Variants in GPC5 observed in about 807,000 individuals in gnomAD.
GPC5 encodes the protein glypican 5.
In GPC5, 47 loss-of-function variants were observed where a neutral mutation model predicts 53.9. The ratio of observed to expected loss-of-function variants is 0.87; its 90% CI spans 0.69 to 1.11. GPC5 has a LOEUF of 1.11. Ranked by LOEUF, GPC5 falls within the 50% of genes most tolerant of loss-of-function variation. The pLI, the probability that GPC5 is intolerant of heterozygous loss-of-function variation, is 0.00. For missense variants in GPC5, 748 were observed against 713.1 expected, an observed-to-expected ratio of 1.05 and a Z score of -0.56; for synonymous variants, 286 against 263.3, an observed-to-expected ratio of 1.09 and a Z score of -0.84.
At chr13:92,632,016 C>A (rs1885255440) in intron 7 of GPC5, among the ~76,000 whole-genome samples, 1 of 152,116 alleles carries the variant, frequency 6.6e-6, no homozygotes, top group Non-Finnish European at 1.5e-5. Context: ...AAATACTCAA[C>A]CTGTCCCTGT....
At chr13:91,469,260 C>A (rs1882451387) in intron 2 of GPC5, among the ~76,000 whole-genome samples, 1 of 152,020 alleles carries the variant, frequency 6.6e-6, no homozygotes, top group African/African-American at 2.4e-5. Flanking sequence ...AGACATGCAC[C>A]ACCATGTCCA....
chr13:91,758,381 A>G (rs2138646471), intron 5 of GPC5, among the ~76,000 whole-genome samples: 1 of 152,186 alleles, frequency 6.6e-6, no homozygotes, highest in East Asian at 1.9e-4. Flanking sequence ...AATTTATTAT[A>G]TCATATAAAT....
chr13:92,366,222 A>T (rs1032394646), intron 7 of GPC5, among the ~76,000 whole-genome samples: 1 of 151,754 alleles, frequency 6.6e-6, no homozygotes, highest in Non-Finnish European at 1.5e-5. Context: ...TTGGCAAATG[A>T]TTGTAGATAT....
At chr13:92,248,496 C>T (rs1395057295) in intron 7 of GPC5, among the ~76,000 whole-genome samples, 4 of 152,102 alleles carry the variant, frequency 2.6e-5, no homozygotes, top group Non-Finnish European at 5.9e-5. Flanking sequence ...TCCAGCGTCT[C>T]AGTTTTCTCA....
intron 2 of GPC5, among the ~76,000 whole-genome samples, chr13:91,639,270 T>C (rs1051549336): frequency 2.0e-5 from 3 of 152,150 alleles, no homozygotes; most frequent in Non-Finnish European, 4.4e-5. Flanking sequence ...GAGAAAAAAA[T>C]AGCAGTGTGA....
At chr13:92,264,222 A>T (rs1189184106) in intron 7 of GPC5, among the ~76,000 whole-genome samples, 1 of 152,090 alleles carries the variant, frequency 6.6e-6, no homozygotes, top group African/African-American at 2.4e-5. Flanking sequence ...GAGTAAATAT[A>T]CTAATATACT....
At chr13:91,974,349 T>C (rs2040275916) in intron 6 of GPC5, among the ~76,000 whole-genome samples, 1 of 152,200 alleles carries the variant, frequency 6.6e-6, no homozygotes, top group Non-Finnish European at 1.5e-5. Flanking sequence ...GTAGATGACA[T>C]GATTGTATAT....
chr13:92,399,223 A>C (rs1264313116), intron 7 of GPC5, among the ~76,000 whole-genome samples: 1 of 152,200 alleles, frequency 6.6e-6, no homozygotes, highest in African/African-American at 2.4e-5. Context: ...GAGATGAATA[A>C]ATTAGGGTAC....
intron 7 of GPC5, among the ~76,000 whole-genome samples, chr13:92,397,360 C>G (rs1264464320): frequency 6.6e-6 from 1 of 152,168 alleles, no homozygotes; most frequent in Non-Finnish European, 1.5e-5. Flanking sequence ...TTTTACTTGG[C>G]TCTCTAATTC....
chr13:92,087,809 G>A (rs1464745073), intron 6 of GPC5, among the ~76,000 whole-genome samples: 1 of 152,056 alleles, frequency 6.6e-6, no homozygotes, highest in East Asian at 1.9e-4. Flanking sequence ...AAATGATTGA[G>A]GTAGAATGAC....
At chr13:91,449,397 G>A (rs955165308) in intron 2 of GPC5, among the ~76,000 whole-genome samples, 2 of 152,084 alleles carry the variant, frequency 1.3e-5, no homozygotes, top group Middle Eastern at 3.4e-3. Flanking sequence ...TGCAGAACAT[G>A]CAGGTTTGTT....
intron 2 of GPC5, among the ~76,000 whole-genome samples, chr13:91,600,336 AGAGAGAGAGAGAGTGT>A (rs1278289771): frequency 2.0e-4 from 10 of 50,648 alleles, no homozygotes; most frequent in Non-Finnish European, 3.1e-4. Flanking sequence ...AGAGAGAGAG[AGAGAGAGAGAGAGTGT>A]GTGTGTGTGT....
Position 92,601,627 on chromosome 13 carries a change from G to C in GPC5, c.1562-264655G>C, listed in dbSNP as rs140905261. 9.3e-4 allele frequency among the ~76,000 whole-genome samples: 137 copies of C among 147,106 alleles called. 2 individuals are homozygous for C. The highest frequency in any genetic ancestry group is 1.4e-3 in the Non-Finnish European group (95 of 66,790). On this transcript the variant is annotated intron_variant, in intron 7 of 7. Transcript: ENST00000377067. ...TTATGTCTTCCATAGGCATTACATT[G>C]TTCTTAAAACATAAGATTTCAGTGT...
intron 7 of GPC5, among the ~76,000 whole-genome samples, chr13:92,721,862 T>C (rs927605916): frequency 2.0e-5 from 3 of 152,010 alleles, no homozygotes; most frequent in African/African-American, 7.2e-5. Flanking sequence ...AACCTGTATG[T>C]CCTATTTAGG....
intron 6 of GPC5, among the ~76,000 whole-genome samples, chr13:91,978,169 A>G (rs972416513): frequency 7.2e-5 from 11 of 152,090 alleles, no homozygotes; most frequent in Admixed American, 5.2e-4. Context: ...ACTTACATTA[A>G]ATTTGTATTC....
intron 5 of GPC5, among the ~76,000 whole-genome samples, chr13:91,859,078 T>C (rs2038998462): frequency 1.3e-5 from 2 of 151,580 alleles, no homozygotes; most frequent in African/African-American, 4.8e-5. Flanking sequence ...TAGGTTTGGT[T>C]TATCTTTTTA....
intron 6 of GPC5, among the ~76,000 whole-genome samples, chr13:92,127,505 A>G (rs1046101093): frequency 6.6e-6 from 1 of 152,198 alleles, no homozygotes; most frequent in Non-Finnish European, 1.5e-5. Flanking sequence ...TCCCCTAAAC[A>G]GGGTTCAAGG....
At chr13:92,285,254 T>C (rs2042945592) in intron 7 of GPC5, among the ~76,000 whole-genome samples, 1 of 152,036 alleles carries the variant, frequency 6.6e-6, no homozygotes, top group African/African-American at 2.4e-5. Flanking sequence ...CACAAAGAAA[T>C]GGAAGAACAT....
chr13:91,933,726 G>C (rs186524054), intron 6 of GPC5, among the ~76,000 whole-genome samples: 243 of 151,976 alleles, frequency 1.6e-3, no homozygotes, highest in African/African-American at 5.5e-3. Context: ...GTAGTATCTA[G>C]TGTATTCTAC....
Sources: gnomAD v4.1 joint callset for allele counts (sites outside exome capture counted in the v4.1 genomes callset) on GRCh38, gnomAD v4.1.1 for gene constraint, MANE v1.5 for transcripts, NCBI Gene and HGNC (gene_info 2026-07-23, HGNC 2026-07-21) for gene names.